The following EVI5 variants were observed in gnomAD, a reference collection of about 807,000 sequenced individuals.
EVI5 encodes the protein ecotropic viral integration site 5, also known as ecotropic viral integration site 5 protein homolog.
A neutral mutation model predicts 112.0 loss-of-function variants in EVI5; 73 were observed. That is an observed-to-expected ratio of 0.65 (90% CI 0.54 to 0.79). EVI5 has a LOEUF of 0.79. Among genes scored for constraint, EVI5 ranks in the 30% least tolerant of loss-of-function variants. The pLI is 0.00. For missense variants in EVI5, 900 were observed against 968.8 expected (o/e 0.93, Z 0.94); for synonymous variants, 305 against 319.9 (o/e 0.95, Z 0.50).
rs533342282 is a variant in EVI5, at chr1:92,594,650, T to C, written c.2070+10657A>G. Among the ~76,000 whole-genome samples the C allele has an allele frequency of 2.6e-4, 39 of 151,652 alleles. No individual in the cohort carries two copies. In the East Asian group the frequency reaches 7.4e-3, roughly 29 times the overall value. ...AGGCAGCCTACAGAATGGGAGAAAA[T>C]TTTCGCAACCTACTCATCTGACAAA... On this transcript the variant is annotated intron_variant, in intron 18 of 19. Coordinates refer to ENST00000684568, the MANE Select transcript of EVI5 (RefSeq NM_001350197.2).
intron 1 of EVI5, among the ~76,000 whole-genome samples, chr1:92,741,955 GA>G (rs1271432927): frequency 2.6e-5 from 4 of 150,998 alleles, no homozygotes; most frequent in Non-Finnish European, 5.9e-5. Flanking sequence ...GCAACAAAAG[GA>G]AAAAAAAGAT....
chr1:92,630,217 G>C (rs1656690815), intron 14 of EVI5, among the ~76,000 whole-genome samples: 1 of 152,124 alleles, frequency 6.6e-6, no homozygotes, highest in African/African-American at 2.4e-5. Flanking sequence ...GGTATTTCTA[G>C]TTCTAGATCC....
At chr1:92,579,970 T>G (rs779925048) in intron 18 of EVI5, among the ~76,000 whole-genome samples, 1 of 152,224 alleles carries the variant, frequency 6.6e-6, no homozygotes, top group Non-Finnish European at 1.5e-5. Context: ...AAACAATGAC[T>G]CAGGGAGAAG....
chr1:92,694,422 G>T, intron 7 of EVI5, 34 bp from the exon 8 acceptor site: 1 of 1,228,048 alleles, frequency 8.1e-7, no homozygotes, highest in Non-Finnish European at 1.2e-6. Context: ...CCAAATTTAT[G>T]TTACTCTTCC....
In EVI5 at chr1:92,612,953, C is replaced by T. The variant is rs578074759; in HGVS notation, c.1828-5226G>A. ...GTCTAAGTTCACAAACTCTTGCACA[C>T]TTTTCTTCAGGTACCCCAACGGGTA... On this transcript the variant is annotated intron_variant, in intron 16 of 19. Transcript: ENST00000684568. Among the ~76,000 whole-genome samples the T allele has an allele frequency of 2.6e-5, 4 of 152,180 alleles. No individual in the cohort carries two copies. In the South Asian group the frequency reaches 6.2e-4, roughly 24 times the overall value.
chr1:92,529,738 C>G (rs1248553050), intron 19 of EVI5, among the ~76,000 whole-genome samples: 1 of 152,092 alleles, frequency 6.6e-6, no homozygotes, highest in Non-Finnish European at 1.5e-5. Flanking sequence ...AACAAGAAAC[C>G]TGCTTCTTTC....
intron 13 of EVI5, among the ~76,000 whole-genome samples, chr1:92,656,121 T>C (rs961280543): frequency 5.9e-5 from 9 of 152,112 alleles, no homozygotes; most frequent in Admixed American, 2.0e-4. Flanking sequence ...ACATGAAATG[T>C]TCTCTAAGGC....
intron 1 of EVI5, chr1:92,755,966 C>A: frequency 5.8e-6 from 1 of 171,382 alleles, no homozygotes; most frequent in South Asian, 1.6e-4. Context: ...TGTGAGCGAT[C>A]ACGTCACGCT....
intron 18 of EVI5, among the ~76,000 whole-genome samples, chr1:92,595,643 T>C (rs1273089616): frequency 6.6e-6 from 1 of 152,082 alleles, no homozygotes; most frequent in African/African-American, 2.4e-5. Context: ...GAAAATGAGA[T>C]GACAGATTTG....
intron 19 of EVI5, among the ~76,000 whole-genome samples, chr1:92,540,385 T>C (rs1007783270): frequency 2.0e-5 from 3 of 152,256 alleles, no homozygotes; most frequent in Admixed American, 2.0e-4. Context: ...CTAGTAAGTG[T>C]GAAGTGGAAT....
chr1:92,613,096 T>C (rs1440256387), intron 16 of EVI5, among the ~76,000 whole-genome samples: 1 of 152,124 alleles, frequency 6.6e-6, no homozygotes, highest in Non-Finnish European at 1.5e-5. Context: ...CTAGGGAATA[T>C]ATGCTTTCAT....
At chr1:92,593,606 A>G (rs1044073780) in intron 18 of EVI5, among the ~76,000 whole-genome samples, 35 of 152,174 alleles carry the variant, frequency 2.3e-4, no homozygotes, top group Non-Finnish European at 4.4e-4. Context: ...AGGGTATTCC[A>G]TTAGGAAAAG....
At chr1:92,700,123 T>A (rs1267710941) in intron 5 of EVI5, among the ~76,000 whole-genome samples, 4 of 152,194 alleles carry the variant, frequency 2.6e-5, no homozygotes, top group Non-Finnish European at 4.4e-5. Flanking sequence ...CCAAGTTGTT[T>A]TATAGTCATT....
chr1:92,589,369 A>T (rs1035491077), intron 18 of EVI5, among the ~76,000 whole-genome samples: 1 of 152,164 alleles, frequency 6.6e-6, no homozygotes, highest in African/African-American at 2.4e-5. Context: ...TTCCTAGCCA[A>T]GGAAAGGGGT....
At chr1:92,595,803 G>C (rs1257446743) in intron 18 of EVI5, among the ~76,000 whole-genome samples, 4 of 152,072 alleles carry the variant, frequency 2.6e-5, no homozygotes, top group Non-Finnish European at 5.9e-5. Context: ...CCAACGCTAG[G>C]GGAAACAACT....
intron 18 of EVI5, among the ~76,000 whole-genome samples, chr1:92,591,360 G>T (rs1247921590): frequency 1.3e-5 from 2 of 152,084 alleles, no homozygotes; most frequent in African/African-American, 4.8e-5. Context: ...CTGTATTCAG[G>T]AAACCCACCT....
At chr1:92,646,546 G>A (rs1006230751) in intron 13 of EVI5, among the ~76,000 whole-genome samples, 2 of 152,160 alleles carry the variant, frequency 1.3e-5, no homozygotes. Flanking sequence ...TCTAAGCTAC[G>A]ACCCCTCCAA....
intron 16 of EVI5, among the ~76,000 whole-genome samples, chr1:92,612,129 G>C (rs771529376): frequency 1.3e-5 from 2 of 152,044 alleles, no homozygotes; most frequent in Non-Finnish European, 2.9e-5. Context: ...AGGATACAGA[G>C]ATGATGACTA....
intron 1 of EVI5, chr1:92,755,904 GC>G: frequency 5.7e-6 from 1 of 174,184 alleles, no homozygotes. Flanking sequence ...TCATACAAAG[GC>G]CAGTCCCCTC....
Sources: allele counts gnomAD v4.1 joint callset (sites outside exome capture counted in the v4.1 genomes callset), GRCh38; gene constraint gnomAD v4.1.1; transcripts MANE v1.5; gene names NCBI Gene and HGNC (gene_info 2026-07-23, HGNC 2026-07-21).